CARNMT1: variants seen among roughly 807,000 people sequenced by gnomAD.
CARNMT1 encodes the protein protein-L-histidine N-pros-methyltransferase CARNMT1.
CARNMT1 carries 28 observed loss-of-function variants against 49.6 expected under a neutral mutation model. The ratio of observed to expected loss-of-function variants is 0.56; its 90% CI spans 0.42 to 0.77. The LOEUF (loss-of-function observed/expected upper bound fraction) is 0.77, where lower values mean the gene tolerates loss of function less well. CARNMT1 is among the 30% of genes least tolerant of loss of function. The probability of loss-of-function intolerance (pLI) is 0.00; values close to 1 mark genes in which losing one functional copy is unlikely to be tolerated. For missense variants in CARNMT1, 421 were observed against 512.6 expected, an observed-to-expected ratio of 0.82 and a Z score of 1.73; for synonymous variants, 178 against 175.0, an observed-to-expected ratio of 1.02 and a Z score of -0.13.
chr9:74,995,902 C>T (rs1833173934), intron 6 of CARNMT1: 1 of 151,956 alleles, frequency 6.6e-6, no homozygotes, highest in Non-Finnish European at 1.5e-5. Flanking sequence ...ATGTTATAGT[C>T]AACATTTAAT....
intron 3 of CARNMT1, among the ~76,000 whole-genome samples, chr9:75,009,060 CTT>C (rs752851220): frequency 0.011 from 1,345 of 125,464 alleles, 22 homozygotes; most frequent in African/African-American, 0.033. Context: ...AAAGGACAGT[CTT>C]TTTTTTTTTT....
intron 3 of CARNMT1, among the ~76,000 whole-genome samples, chr9:75,010,906 T>C (rs996954213): frequency 1.3e-5 from 2 of 152,176 alleles, no homozygotes; most frequent in East Asian, 3.8e-4. Context: ...GTGACAGATG[T>C]ACAATACTGT....
At chr9:75,009,884 A>G (rs1054083328) in intron 3 of CARNMT1, 1 of 152,206 alleles carries the variant, frequency 6.6e-6, no homozygotes, top group South Asian at 2.1e-4. Context: ...AGTCGCACAA[A>G]CAGAATGTAA....
At chr9:75,016,176 A>G (rs544969137) in intron 3 of CARNMT1, 92 bp downstream of exon 3, 19 of 953,792 alleles carry the variant, frequency 2.0e-5, no homozygotes, top group Non-Finnish European at 2.6e-5. Flanking sequence ...CACAGCAACT[A>G]TAACAATGAA....
rs1045080474 is a variant in CARNMT1, at chr9:74,981,986, T to G, written c.*1781A>C. ...TAAGAATTTCCACCAAATGAACATC[T>G]GCTAAGTATTGAGGGACACAAAAAA... On this transcript the variant is annotated 3_prime_UTR_variant, in exon 8 of 8. Coordinates refer to ENST00000376834, the MANE Select transcript of CARNMT1 (RefSeq NM_152420.3). 2.0e-5 allele frequency: 3 copies of G among 149,630 alleles called. No individual in the cohort carries two copies. The highest frequency in any genetic ancestry group is 4.4e-5 in the Non-Finnish European group (3 of 67,544). The allele number at this position is 149,630 out of a possible 1,614,324, so 9.3% of individuals were successfully genotyped here. A position where few individuals can be genotyped will look rare whatever the true frequency, so the allele number is the denominator to read the frequency against.
At chr9:75,025,205 A>AC (rs1348493537) in intron 1 of CARNMT1, among the ~76,000 whole-genome samples, 5 of 152,196 alleles carry the variant, frequency 3.3e-5, no homozygotes, top group African/African-American at 1.2e-4. Flanking sequence ...CACCAGTGGC[A>AC]CGTCATATGG....
At chr9:75,028,403 C>T, upstream of CARNMT1, 6 of 1,291,534 alleles carry the variant, frequency 4.6e-6, no homozygotes, top group South Asian at 7.6e-5. Context: ...GCGCTGGGCT[C>T]CGCCAGGTCT....
At chr9:75,027,206 A>G (rs552722497) in intron 1 of CARNMT1, 13 of 1,135,700 alleles carry the variant, frequency 1.1e-5, no homozygotes, top group Non-Finnish European at 1.5e-5. Flanking sequence ...TAATTTTGTG[A>G]TTAAGCTACT....
chr9:74,984,632 G>A (rs1832774690), intron 7 of CARNMT1, among the ~76,000 whole-genome samples: 2 of 152,004 alleles, frequency 1.3e-5, no homozygotes, highest in South Asian at 2.1e-4. Flanking sequence ...TGCTTATAAG[G>A]CATATATAAA....
chr9:75,013,128 G>A (rs1193952305), intron 3 of CARNMT1, among the ~76,000 whole-genome samples: 1 of 152,040 alleles, frequency 6.6e-6, no homozygotes, highest in Non-Finnish European at 1.5e-5. Flanking sequence ...CCCTATAATT[G>A]CAGCAGAAAA....
intron 3 of CARNMT1, among the ~76,000 whole-genome samples, chr9:75,005,629 C>T (rs1372166468): frequency 2.6e-5 from 4 of 151,842 alleles, no homozygotes; most frequent in Admixed American, 6.6e-5. Context: ...CCTGTCACCA[C>T]GCCCGGCTAA....
At position 75,016,270 on chromosome 9, in the gene CARNMT1, T is replaced by C. The variant is rs779354198; in HGVS notation, c.588A>G (p.Arg196=). The C allele has an allele frequency of 1.2e-6, 2 of 1,611,056 alleles. No individual in the cohort carries two copies. The highest frequency in any genetic ancestry group is 1.7e-6 in the Non-Finnish European group (2 of 1,178,290). The stretch of plus-strand genomic sequence containing the variant: ...GTTAAAAATGAGGTACTATTTACCA[T>C]CTCTCTTTTGGAAAATTTTTTAAAA... ...KEILKNFPKE[R]WDPSKVNILV... The change falls in exon 3 of 8, where the codon AGA becomes AGG. Residue 196 remains arginine (R), a splice_region_variant and synonymous_variant. Transcript: ENST00000376834.
intron 1 of CARNMT1, among the ~76,000 whole-genome samples, chr9:75,027,806 C>G (rs888286635): frequency 6.6e-6 from 1 of 152,170 alleles, no homozygotes; most frequent in Admixed American, 6.5e-5. Flanking sequence ...GTGCAGCAGA[C>G]GGCGCGGCGG....
rs577901364 is a variant in CARNMT1, at chr9:75,012,890, C to A, written c.590+3378G>T. Among the ~76,000 whole-genome samples the A allele has an allele frequency of 6.0e-5, 9 of 151,146 alleles. 1 individual carries two copies. In the South Asian group the frequency reaches 1.9e-3, roughly 32 times the overall value. ...CCGAGATCGTGCCACTGCACTCCAGCCTGGGCGACTGAGCAAGACTCCGTC... is the reference window on the plus strand; with the variant it reads ...CCGAGATCGTGCCACTGCACTCCAGACTGGGCGACTGAGCAAGACTCCGTC... On this transcript the variant is annotated intron_variant, in intron 3 of 7. Coordinates refer to ENST00000376834, the MANE Select transcript of CARNMT1 (RefSeq NM_152420.3).
intron 1 of CARNMT1, among the ~76,000 whole-genome samples, chr9:75,023,612 G>A (rs1490270601): frequency 6.6e-6 from 1 of 152,220 alleles, no homozygotes; most frequent in Admixed American, 6.5e-5. Context: ...TACTAAAGTT[G>A]AGAATATAGT....
At chr9:74,993,178 TA>T (rs1833081025) in intron 6 of CARNMT1, among the ~76,000 whole-genome samples, 1 of 152,150 alleles carries the variant, frequency 6.6e-6, no homozygotes, top group Admixed American at 6.6e-5. Flanking sequence ...AACAAAAGCA[TA>T]TGGGTGCTAA....
chr9:75,020,205 T>C (rs1288241710), intron 1 of CARNMT1, among the ~76,000 whole-genome samples: 1 of 152,072 alleles, frequency 6.6e-6, no homozygotes, highest in African/African-American at 2.4e-5. Flanking sequence ...AAATGTTCTT[T>C]GGTATTAATT....
intron 3 of CARNMT1, among the ~76,000 whole-genome samples, chr9:75,011,965 G>A (rs1833701830): frequency 6.6e-6 from 1 of 152,166 alleles, no homozygotes; most frequent in South Asian, 2.1e-4. Context: ...CACGTGGATT[G>A]CTGCCTTGTA....
chr9:75,001,094 T>A (rs924690763), intron 3 of CARNMT1, among the ~76,000 whole-genome samples: 1 of 149,716 alleles, frequency 6.7e-6, no homozygotes. Flanking sequence ...TTTCTACCCT[T>A]ACCCCAGCAA....
Sources: allele counts gnomAD v4.1 joint callset (sites outside exome capture counted in the v4.1 genomes callset), GRCh38; gene constraint gnomAD v4.1.1; transcripts MANE v1.5; gene names NCBI Gene and HGNC (gene_info 2026-07-23, HGNC 2026-07-21).